DDX3X: variants seen among roughly 807,000 people sequenced by gnomAD.
DDX3X encodes ATP-dependent RNA helicase DDX3X.
A neutral mutation model predicts 52.7 loss-of-function variants in DDX3X; 4 were observed. The ratio of observed to expected loss-of-function variants is 0.08; its 90% CI spans 0.04 to 0.17. The LOEUF is 0.17. Among genes scored for constraint, DDX3X ranks in the 10% least tolerant of loss-of-function variants. The pLI, the probability that DDX3X is intolerant of heterozygous loss-of-function variation, is 1.00. For missense variants in DDX3X, 222 were observed against 548.6 expected, an observed-to-expected ratio of 0.40 and a Z score of 5.95; for synonymous variants, 192 against 178.1, an observed-to-expected ratio of 1.08 and a Z score of -0.62.
At chrX:41,337,298 A>C in intron 1 of DDX3X, 110 bp from the exon 2 acceptor site, 2 of 628,797 alleles carry the variant, frequency 3.2e-6, no homozygotes, top group Non-Finnish European at 5.3e-6. Context: ...TGTGAGGTGG[A>C]CTGGGCAACT....
intron 5 of DDX3X, among the ~76,000 whole-genome samples, chrX:41,362,969 T>C (rs870208): frequency 0.21 from 23,285 of 111,444 alleles, 2,160 homozygotes; most frequent in South Asian, 0.42. Context: ...TGAAAGCACT[T>C]TTACTTTCTA....
At position 41,349,005 on chromosome X, in the gene DDX3X, G is replaced by A. The variant is rs1443796906; in HGVS notation, c.*1286G>A. 1 of 112,188 alleles carries A rather than the reference G, an allele frequency of 8.9e-6. No individual in the cohort carries two copies. Among genetic ancestry groups the A allele is most frequent in the Non-Finnish European group, 1.9e-5 (1 of 53,230 alleles). The allele number at this position is 112,188 out of a possible 1,213,427, so 9.2% of individuals were successfully genotyped here. On this transcript the variant is annotated 3_prime_UTR_variant, in exon 17 of 17. Coordinates refer to ENST00000644876, the MANE Select transcript of DDX3X (RefSeq NM_001356.5). ...TCTGTTTATGCTAAATCTGGCCAAA[G>A]ATGAGCATTGTCCACCACTAAAATG...
intron 1 of DDX3X, 48 bp from the exon 2 acceptor site, chrX:41,337,360 A>C: frequency 9.0e-7 from 1 of 1,106,489 alleles, no homozygotes; most frequent in Non-Finnish European, 1.2e-6. Context: ...TTTTCTCTTA[A>C]TGTAGTATTT....
At chrX:41,345,777 G>A (rs1012605710) in intron 12 of DDX3X, 20 of 361,814 alleles carry the variant, frequency 5.5e-5, no homozygotes, top group Admixed American at 3.6e-4. Flanking sequence ...ACACCTGATA[G>A]GCATAGTACA....
intron 1 of DDX3X, 36 bp from the exon 2 acceptor site, chrX:41,337,372 A>T (rs769536255): frequency 8.6e-7 from 1 of 1,163,967 alleles, no homozygotes. Context: ...GTAGTATTTG[A>T]GCACATGGGG....
At chrX:41,343,713 A>ATTTG in intron 7 of DDX3X, 24 bp from the exon 8 acceptor site, 1 of 1,178,133 alleles carries the variant, frequency 8.5e-7, no homozygotes, top group Non-Finnish European at 1.2e-6. Flanking sequence ...AATGAGCAGG[A>ATTTG]TTTGTTTGTT....
intron 15 of DDX3X, 124 bp from the exon 16 acceptor site, chrX:41,347,188 G>A (rs1293423102): frequency 2.1e-6 from 2 of 960,512 alleles, no homozygotes; most frequent in Admixed American, 2.8e-5. Flanking sequence ...ACTCTGTTGG[G>A]GAAAATATGG....
downstream of DDX3X, among the ~76,000 whole-genome samples, chrX:41,354,527 T>C (rs1211050962): frequency 9.3e-6 from 1 of 108,091 alleles, no homozygotes; most frequent in Non-Finnish European, 1.9e-5. Context: ...TCCCACTATG[T>C]TGCCCAGGCT....
At chrX:41,334,057 C>T (rs903004440), upstream of DDX3X, 5 of 436,028 alleles carry the variant, frequency 1.1e-5, no homozygotes, top group Non-Finnish European at 2.0e-5. Flanking sequence ...GCAGAAGTCG[C>T]CGCGACAGGG....
At chrX:41,342,939 T>G in intron 6 of DDX3X, 103 bp downstream of exon 6, 1 of 686,256 alleles carries the variant, frequency 1.5e-6, no homozygotes, top group South Asian at 2.6e-5. Context: ...GACCAGAGGC[T>G]TCATAGATTT....
At chrX:41,359,907 G>A (rs1052021775) in intron 5 of DDX3X, among the ~76,000 whole-genome samples, 38 of 108,825 alleles carry the variant, frequency 3.5e-4, no homozygotes, top group African/African-American at 1.0e-3. Context: ...GCGTGAACCC[G>A]GGAGGTGGAG....
At position 41,343,720 on chromosome X, in the gene DDX3X, T is replaced by C. The variant is rs766534138; in HGVS notation, c.680-17T>C. The C allele has an allele frequency of 1.7e-6, 2 of 1,192,454 alleles. No homozygotes were observed. The highest frequency in any genetic ancestry group is 3.5e-5 in the African/African-American group (2 of 56,833). Reference sequence around the variant, plus strand: ...TTAAAAGTAATGAGCAGGATTTGTTTGTTTGTTTTTGAACAGGGTCTGGAA... The same window carrying C: ...TTAAAAGTAATGAGCAGGATTTGTTCGTTTGTTTTTGAACAGGGTCTGGAA... On this transcript the variant is annotated splice_polypyrimidine_tract_variant and intron_variant, in intron 7 of 16. Coordinates refer to ENST00000644876, the MANE Select transcript of DDX3X (RefSeq NM_001356.5).
rs769051087 is a variant in DDX3X, at chrX:41,337,560, A to AT, written c.103+101dup. On this transcript the variant is annotated intron_variant, in intron 2 of 16. Coordinates refer to ENST00000644876, the MANE Select transcript of DDX3X (RefSeq NM_001356.5). The stretch of plus-strand genomic sequence containing the variant: ...TAAAATTTAAGAAATTTGCCTTTCA[A>AT]TTTTTTACTGCTTAAAGAATTATGT... The AT allele has an allele frequency of 6.0e-6, 4 of 671,867 alleles. No individual in the cohort carries two copies. The African/African-American group carries it at 6.6e-5, about 11-fold the overall frequency. The allele number at this position is 671,867 out of a possible 1,213,427, so 55.4% of individuals were successfully genotyped here. A position where few individuals can be genotyped will look rare whatever the true frequency, so the allele number is the denominator to read the frequency against.
At chrX:41,334,815 G>C (rs181703578) in intron 1 of DDX3X, 38,495 of 875,783 alleles carry the variant, frequency 0.044, 647 homozygotes, top group Non-Finnish European at 0.05. Context: ...CTTCGCTCGG[G>C]GTAATGGCGG....
chrX:41,350,749 C>G (rs923572680), downstream of DDX3X: 1 of 111,604 alleles, frequency 9.0e-6, no homozygotes. Context: ...CAACGTATAG[C>G]AAGACCTTAT....
downstream of DDX3X, chrX:41,350,471 G>T (rs1401471809): frequency 1.8e-5 from 2 of 111,894 alleles, no homozygotes; most frequent in Non-Finnish European, 3.8e-5. Context: ...TTAGAAATTG[G>T]CTTATACTTT....
chrX:41,342,413 T>C, intron 4 of DDX3X, 82 bp from the exon 5 acceptor site: 1 of 1,084,390 alleles, frequency 9.2e-7, no homozygotes, highest in Non-Finnish European at 1.3e-6. Context: ...AACTTAAGTC[T>C]CCAGATACAG....
chrX:41,350,898 A>G (rs749820281), downstream of DDX3X: 1 of 112,211 alleles, frequency 8.9e-6, no homozygotes, highest in African/African-American at 3.2e-5. Flanking sequence ...ATACGTATTC[A>G]GCTTTTGTTT....
At chrX:41,338,930 A>T in intron 2 of DDX3X, 106 bp from the exon 3 acceptor site, 1 of 279,317 alleles carries the variant, frequency 3.6e-6, no homozygotes, top group African/African-American at 2.8e-5. Flanking sequence ...ATCAGATTGG[A>T]AGGCTGGAGA....
Sources: gnomAD v4.1 joint callset for allele counts (sites outside exome capture counted in the v4.1 genomes callset) on GRCh38, gnomAD v4.1.1 for gene constraint, MANE v1.5 for transcripts, NCBI Gene and HGNC (gene_info 2026-07-23, HGNC 2026-07-21) for gene names.